Variants in DPYSL3 observed in about 807,000 individuals in gnomAD.
DPYSL3 encodes the protein dihydropyrimidinase like 3.
In DPYSL3, 16 loss-of-function variants were observed where a neutral mutation model predicts 66.1. That is an observed-to-expected ratio of 0.24 (90% CI 0.16 to 0.37). The LOEUF is 0.37. Among genes scored for constraint, DPYSL3 ranks in the 10% least tolerant of loss-of-function variants. The probability of loss-of-function intolerance (pLI) is 1.00; values close to 1 mark genes in which losing one functional copy is unlikely to be tolerated. For missense variants in DPYSL3, 738 were observed against 916.2 expected, an observed-to-expected ratio of 0.81 and a Z score of 2.51; for synonymous variants, 338 against 345.1, an observed-to-expected ratio of 0.98 and a Z score of 0.23.
chr5:147,493,404 C>G (rs1753445591), intron 1 of DPYSL3, among the ~76,000 whole-genome samples: 1 of 152,040 alleles, frequency 6.6e-6, no homozygotes, highest in Non-Finnish European at 1.5e-5. Flanking sequence ...GAGACAGCAT[C>G]TCTACAAAAA....
chr5:147,424,756 T>C, intron 2 of DPYSL3, 119 bp downstream of exon 2: 1 of 768,980 alleles, frequency 1.3e-6, no homozygotes, highest in South Asian at 2.1e-5. Flanking sequence ...GTATCTCACT[T>C]CATTCTGTTG....
At chr5:147,421,356 A>G (rs1265574483) in intron 2 of DPYSL3, among the ~76,000 whole-genome samples, 1 of 152,182 alleles carries the variant, frequency 6.6e-6, no homozygotes, top group Non-Finnish European at 1.5e-5. Context: ...TGCTCAAGGA[A>G]ATAAGACACA....
intron 1 of DPYSL3, among the ~76,000 whole-genome samples, chr5:147,508,256 AGGTT>A (rs770232731): frequency 2.6e-5 from 4 of 152,198 alleles, no homozygotes; most frequent in African/African-American, 4.8e-5. Context: ...TAGTAGTCAA[AGGTT>A]GGTTGGTTGG....
chr5:147,479,757 T>C (rs1444249590), intron 1 of DPYSL3, among the ~76,000 whole-genome samples: 1 of 152,148 alleles, frequency 6.6e-6, no homozygotes, highest in African/African-American at 2.4e-5. Flanking sequence ...TGATAATCCC[T>C]GAAGCAAGCA....
chr5:147,441,379 C>A (rs866783936), intron 1 of DPYSL3, among the ~76,000 whole-genome samples: 1 of 152,142 alleles, frequency 6.6e-6, no homozygotes, highest in Non-Finnish European at 1.5e-5. Context: ...TCCCTCTGTG[C>A]GTGTCTGTGT....
intron 1 of DPYSL3, among the ~76,000 whole-genome samples, chr5:147,451,610 G>T (rs1189768127): frequency 6.6e-6 from 1 of 152,182 alleles, no homozygotes; most frequent in Admixed American, 6.5e-5. Context: ...GAGTCCAGAA[G>T]AAGAACCACT....
intron 1 of DPYSL3, chr5:147,453,749 C>A (rs1336143995): frequency 7.7e-7 from 1 of 1,300,928 alleles, no homozygotes. Flanking sequence ...CGGGCTCCCG[C>A]GGCGGCTGCC....
At position 147,394,127 on chromosome 5, in the gene DPYSL3, C is replaced by G. The variant is rs769492854; in HGVS notation, c.1967-4G>C. 1.9e-6 allele frequency: 3 copies of G among 1,613,336 alleles called. No individual in the cohort carries two copies. Among genetic ancestry groups the G allele is most frequent in the South Asian group, 1.1e-5 (1 of 91,042 alleles). ...ACCCCCTCATCCACTTGGGTGCCTA[C>G]AGTTGGAAATAAATTCCCAGGGGGA... On this transcript the variant is annotated splice_polypyrimidine_tract_variant and splice_region_variant and intron_variant, in intron 13 of 13. Coordinates refer to ENST00000343218, the MANE Select transcript of DPYSL3 (RefSeq NM_001197294.2).
intron 8 of DPYSL3, among the ~76,000 whole-genome samples, chr5:147,405,355 A>G (rs1433731338): frequency 6.6e-6 from 1 of 152,244 alleles, no homozygotes; most frequent in African/African-American, 2.4e-5. Flanking sequence ...AGTAAGATGC[A>G]CAAAGTCTCA....
chr5:147,435,081 A>C (rs1752392244), intron 1 of DPYSL3, among the ~76,000 whole-genome samples: 1 of 152,140 alleles, frequency 6.6e-6, no homozygotes, highest in Non-Finnish European at 1.5e-5. Context: ...TTCTCTAAAA[A>C]ACAAAGTCTA....
intron 1 of DPYSL3, among the ~76,000 whole-genome samples, chr5:147,457,330 G>T (rs965105861): frequency 2.0e-5 from 3 of 152,130 alleles, no homozygotes; most frequent in Non-Finnish European, 1.5e-5. Flanking sequence ...TTGAGGGTAT[G>T]TGATGTGTCT....
At chr5:147,503,334 A>G (rs1267118891) in intron 1 of DPYSL3, among the ~76,000 whole-genome samples, 2 of 152,188 alleles carry the variant, frequency 1.3e-5, no homozygotes, top group Non-Finnish European at 2.9e-5. Flanking sequence ...TTTTAAAGAC[A>G]GGGTCTCACT....
intron 5 of DPYSL3, among the ~76,000 whole-genome samples, chr5:147,413,061 A>T (rs921422410): frequency 2.0e-5 from 3 of 152,204 alleles, no homozygotes; most frequent in African/African-American, 7.2e-5. Context: ...CCAGGCCAGA[A>T]ACAAACACAA....
chr5:147,415,583 A>T, intron 4 of DPYSL3, 126 bp downstream of exon 4: 1 of 1,124,642 alleles, frequency 8.9e-7, no homozygotes, highest in South Asian at 1.5e-5. Flanking sequence ...TTATCCCTAC[A>T]TCCAGTGCTC....
intron 11 of DPYSL3, 99 bp from the exon 12 acceptor site, chr5:147,397,944 C>G: frequency 8.0e-7 from 1 of 1,246,112 alleles, no homozygotes; most frequent in South Asian, 1.8e-5. Context: ...TGCTGATTCA[C>G]CAGGTAAGCC....
chr5:147,461,312 G>A (rs1231701974), intron 1 of DPYSL3, among the ~76,000 whole-genome samples: 1 of 152,170 alleles, frequency 6.6e-6, no homozygotes, highest in South Asian at 2.1e-4. Flanking sequence ...TCCTAACCAG[G>A]TTTTCATGCC....
At chr5:147,473,735 C>T (rs369353737) in intron 1 of DPYSL3, among the ~76,000 whole-genome samples, 54 of 152,118 alleles carry the variant, frequency 3.5e-4, no homozygotes, top group South Asian at 2.7e-3. Flanking sequence ...ATGGGTTTGC[C>T]CTTTGCAGTT....
chr5:147,405,324 A>G (rs1758299740), intron 8 of DPYSL3, among the ~76,000 whole-genome samples: 1 of 152,220 alleles, frequency 6.6e-6, no homozygotes. Context: ...GGTGAACTGA[A>G]AATCAAAGAT....
intron 1 of DPYSL3, among the ~76,000 whole-genome samples, chr5:147,492,504 A>G (rs2126448674): frequency 6.6e-6 from 1 of 152,298 alleles, no homozygotes; most frequent in South Asian, 2.1e-4. Context: ...ATTGAAATAA[A>G]TGAAAGTGAT....
Sources: gnomAD v4.1 joint callset for allele counts (sites outside exome capture counted in the v4.1 genomes callset) on GRCh38, gnomAD v4.1.1 for gene constraint, MANE v1.5 for transcripts, NCBI Gene and HGNC (gene_info 2026-07-23, HGNC 2026-07-21) for gene names.